STIL: variants seen among roughly 807,000 people sequenced by gnomAD.
STIL encodes STIL centriolar assembly protein.
A neutral mutation model predicts 110.1 loss-of-function variants in STIL; 55 were observed. That is an observed-to-expected ratio of 0.50 (90% CI 0.40 to 0.63). The LOEUF is 0.63. STIL is among the 20% of genes least tolerant of loss of function. The pLI is 0.00. For synonymous variants in STIL, 481 were observed against 530.0 expected, an observed-to-expected ratio of 0.91 and a Z score of 1.27; for missense variants, 1,358 against 1,530.0, an observed-to-expected ratio of 0.89 and a Z score of 1.87.
chr1:47,270,247 TATATATATACACACACACAC>T (rs1268962876), intron 13 of STIL, among the ~76,000 whole-genome samples: 1 of 97,784 alleles, frequency 1.0e-5, no homozygotes. Flanking sequence ...AAAAAATATA[TATATATATACACACACACAC>T]ACACACACAC....
Position 47,251,890 on chromosome 1 carries a change from A to C in STIL, c.3113T>G (p.Ile1038Ser), listed in dbSNP as rs758472003. 3.7e-6 allele frequency: 6 copies of C among 1,610,780 alleles called. No individual in the cohort carries two copies. Among genetic ancestry groups the C allele is most frequent in the Non-Finnish European group, 5.1e-6 (6 of 1,178,944 alleles). Residue 1038 changes from isoleucine to serine, a missense_variant, in exon 17 of 17, where the codon ATC (isoleucine) becomes AGC (serine). Ile to Ser is a moderately radical substitution (Grantham distance 142, BLOSUM62 -2). Transcript: ENST00000371877. ...VLACISPEAV[I>S]SGLNCMSFAN... ...AAATGACATGCAGTTTAATCCAGAG[A>C]TCACTGCTTCTGGGCTGATGCATGC...
At chr1:47,258,093 G>T (rs1476979751) in intron 16 of STIL, among the ~76,000 whole-genome samples, 1 of 152,174 alleles carries the variant, frequency 6.6e-6, no homozygotes, top group Non-Finnish European at 1.5e-5. Context: ...ATTTGCAAAA[G>T]ATCATCACAG....
chr1:47,264,800 A>C (rs1275401454), intron 14 of STIL, among the ~76,000 whole-genome samples: 2 of 152,140 alleles, frequency 1.3e-5, no homozygotes, highest in Non-Finnish European at 2.9e-5. Context: ...CCAAATCAAC[A>C]ACCCAAATCA....
intron 12 of STIL, among the ~76,000 whole-genome samples, chr1:47,275,268 A>G (rs1644956955): frequency 6.6e-6 from 1 of 152,024 alleles, no homozygotes; most frequent in African/African-American, 2.4e-5. Flanking sequence ...TAAATAAAAA[A>G]GAAGCAACAA....
intron 10 of STIL, among the ~76,000 whole-genome samples, chr1:47,284,756 G>C (rs1409981850): frequency 6.6e-6 from 1 of 152,060 alleles, no homozygotes; most frequent in Non-Finnish European, 1.5e-5. Context: ...CGGGCGTGGT[G>C]ATGCACACCT....
rs748812524 is a variant in STIL at position 47,300,086 on chromosome 1, G to T, written c.520C>A (p.His174Asn). 20 of 1,614,070 alleles carry T rather than the reference G, an allele frequency of 1.2e-5. No individual in the cohort carries two copies. Among genetic ancestry groups the T allele is most frequent in the South Asian group, 2.2e-5 (2 of 91,074 alleles). Reference sequence around the variant, plus strand: ...TCCAAACTCTCCCTGGAAGTGATATGAACTCTTAGGGAAAGCAGCTTACCA... The same window carrying T: ...TCCAAACTCTCCCTGGAAGTGATATTAACTCTTAGGGAAAGCAGCTTACCA... ...DCGKLLSLRV[H>N]ITSRESLDSV... Residue 174 changes from histidine to asparagine, a missense_variant, in exon 6 of 17, where the codon CAT becomes AAT. By Grantham distance (68) the His-to-Asn change is moderately conservative. Transcript: ENST00000371877.
chr1:47,306,154 T>A (rs1645956301), intron 2 of STIL, among the ~76,000 whole-genome samples: 1 of 152,064 alleles, frequency 6.6e-6, no homozygotes, highest in African/African-American at 2.4e-5. Context: ...ATACACAAGC[T>A]TTTAAAAAAA....
At chr1:47,295,627 A>G in intron 7 of STIL, 138 bp downstream of exon 7, 1 of 656,226 alleles carries the variant, frequency 1.5e-6, no homozygotes, top group East Asian at 2.8e-5. Flanking sequence ...TACTAGTAAA[A>G]TAAGAAAACC....
intron 15 of STIL, among the ~76,000 whole-genome samples, chr1:47,261,181 A>T (rs1295434829): frequency 2.0e-5 from 3 of 152,026 alleles, no homozygotes; most frequent in Non-Finnish European, 2.9e-5. Flanking sequence ...TTAGGTCAGG[A>T]GTTCAAGACC....
At chr1:47,255,980 T>C (rs1355551823) in intron 16 of STIL, among the ~76,000 whole-genome samples, 1 of 152,200 alleles carries the variant, frequency 6.6e-6, no homozygotes, top group Admixed American at 6.5e-5. Flanking sequence ...GACACAATGA[T>C]AAAAGACGGC....
At position 47,250,144 on chromosome 1, in the gene STIL, T is replaced by G. The variant is rs148103615; in HGVS notation, c.*992A>C. On this transcript the variant is annotated 3_prime_UTR_variant, in exon 17 of 17. Transcript: ENST00000371877. Reference sequence around the variant, plus strand: ...AACTATAACAGACAACAAAGGAAAATAGTCAATCTAGACATTTTATTAAGT... The same window carrying G: ...AACTATAACAGACAACAAAGGAAAAGAGTCAATCTAGACATTTTATTAAGT... The G allele has an allele frequency of 6.1e-6, 1 of 164,142 alleles. No homozygotes were observed. The highest frequency in any genetic ancestry group is 6.4e-5 in the Admixed American group (1 of 15,536). The allele number at this position is 164,142 out of a possible 1,614,324, so 10.2% of individuals were successfully genotyped here.
At chr1:47,277,384 G>T (rs1436694669) in intron 12 of STIL, among the ~76,000 whole-genome samples, 2 of 151,592 alleles carry the variant, frequency 1.3e-5, no homozygotes, top group Non-Finnish European at 2.9e-5. Flanking sequence ...AAAGCATTTG[G>T]ATTTTATTCT....
intron 13 of STIL, among the ~76,000 whole-genome samples, chr1:47,270,251 T>C (rs370394061): frequency 0.073 from 8,656 of 118,868 alleles, 647 homozygotes; most frequent in African/African-American, 0.2. Context: ...AATATATATA[T>C]ATATACACAC....
At chr1:47,265,237 C>CAAAAAAAAAAAAAAAAAAAAAA (rs61666574) in intron 14 of STIL, among the ~76,000 whole-genome samples, 1 of 51,658 alleles carries the variant, frequency 1.9e-5, no homozygotes, top group African/African-American at 7.0e-5. Flanking sequence ...CTCCATCTCC[C>CAAAAAAAAAAAAAAAAAAAAAA]AAAAAAAAAA....
At chr1:47,270,255 TACACACACACACACACAC>T (rs56253074) in intron 13 of STIL, among the ~76,000 whole-genome samples, 2 of 119,398 alleles carry the variant, frequency 1.7e-5, no homozygotes, top group East Asian at 2.5e-4. Context: ...TATATATATA[TACACACACACACACACAC>T]ACACACACAC....
At chr1:47,313,054 T>G (rs1570319432) in intron 1 of STIL, 1 of 152,218 alleles carries the variant, frequency 6.6e-6, no homozygotes, top group African/African-American at 2.4e-5. Flanking sequence ...TCAGGGGCGG[T>G]GGCTCACGCT....
intron 16 of STIL, among the ~76,000 whole-genome samples, chr1:47,257,544 C>A (rs758757559): frequency 2.0e-5 from 3 of 152,112 alleles, no homozygotes; most frequent in African/African-American, 7.2e-5. Context: ...ACAGATATTG[C>A]ATCAATAATA....
At chr1:47,271,796 G>A (rs1197847054) in intron 13 of STIL, among the ~76,000 whole-genome samples, 2 of 148,782 alleles carry the variant, frequency 1.3e-5, no homozygotes, top group African/African-American at 2.5e-5. Context: ...GCAACACAGC[G>A]AGACTCCATT....
At chr1:47,252,336 C>T (rs1644208100) in intron 16 of STIL, among the ~76,000 whole-genome samples, 2 of 152,178 alleles carry the variant, frequency 1.3e-5, no homozygotes, top group South Asian at 2.1e-4. Context: ...GAGCCATGAT[C>T]GTGCCACTGC....
Sources: gnomAD v4.1 joint callset for allele counts (sites outside exome capture counted in the v4.1 genomes callset) on GRCh38, gnomAD v4.1.1 for gene constraint, MANE v1.5 for transcripts, NCBI Gene and HGNC (gene_info 2026-07-23, HGNC 2026-07-21) for gene names.